Variants in SLC44A1 observed in about 807,000 individuals in gnomAD.
The protein encoded by SLC44A1 is choline transporter-like protein 1.
In SLC44A1, 26 loss-of-function variants were observed where a neutral mutation model predicts 79.3. The ratio of observed to expected loss-of-function variants is 0.33; its 90% CI spans 0.24 to 0.46. SLC44A1 has a LOEUF of 0.46. SLC44A1 is among the 20% of genes least tolerant of loss of function. SLC44A1 has a pLI of 1.00. For missense variants in SLC44A1, 688 were observed against 798.1 expected (o/e 0.86, Z 1.66); for synonymous variants, 263 against 286.2 (o/e 0.92, Z 0.82).
intron 3 of SLC44A1, among the ~76,000 whole-genome samples, chr9:105,328,089 T>C (rs1042249444): frequency 6.6e-6 from 1 of 152,228 alleles, no homozygotes; most frequent in African/African-American, 2.4e-5. Context: ...CAAAATCTTA[T>C]ATAATTACCA....
intron 3 of SLC44A1, among the ~76,000 whole-genome samples, chr9:105,323,024 A>C (rs1453516664): frequency 6.6e-6 from 1 of 150,504 alleles, no homozygotes; most frequent in Non-Finnish European, 1.5e-5. Flanking sequence ...GGAGTTTGAG[A>C]CCAGCCTGGC....
chr9:105,388,888 A>C, intron 15 of SLC44A1, 145 bp from the exon 16 acceptor site: 2 of 667,100 alleles, frequency 3.0e-6, no homozygotes, highest in Non-Finnish European at 5.5e-6. Flanking sequence ...TAAGAATTTC[A>C]GCTCCAGGAA....
At position 105,319,814 on chromosome 9, in the gene SLC44A1, G is replaced by C. The variant is rs550875418; in HGVS notation, c.269+9948G>C. Among the ~76,000 whole-genome samples the C allele has an allele frequency of 1.1e-3, 166 of 152,038 alleles. 1 individual carries two copies. Among genetic ancestry groups the C allele is most frequent in the African/African-American group, 3.6e-3 (149 of 41,478 alleles). On this transcript the variant is annotated intron_variant, in intron 3 of 15. Coordinates refer to ENST00000374720, the MANE Select transcript of SLC44A1 (RefSeq NM_080546.5). ...ACACTGGGGCTCATTAAATTAAATT[G>C]GATTTTGTAAAGTCGATTTTCAGGA... is the stretch of plus-strand genomic sequence containing the variant.
chr9:105,379,709 G>T (rs1417084995), intron 13 of SLC44A1, among the ~76,000 whole-genome samples: 1 of 152,142 alleles, frequency 6.6e-6, no homozygotes, highest in Non-Finnish European at 1.5e-5. Context: ...GTAACATATG[G>T]TCACTGGCCA....
chr9:105,350,680 C>T (rs1032100884), intron 5 of SLC44A1, among the ~76,000 whole-genome samples: 7 of 152,160 alleles, frequency 4.6e-5, no homozygotes, highest in Non-Finnish European at 8.8e-5. Flanking sequence ...CTCTTAACCT[C>T]TCTGTAAACC....
In SLC44A1 at chr9:105,383,270, G is replaced by A; in HGVS notation, c.1780G>A (p.Val594Met). The A allele has an allele frequency of 6.2e-7, 1 of 1,613,874 alleles. No individual in the cohort carries two copies. The highest frequency in any genetic ancestry group is 8.5e-7 in the Non-Finnish European group (1 of 1,179,790). The change falls in exon 14 of 16, where the codon GTG becomes ATG. Residue 594 changes from valine (V) to methionine (M), a missense_variant. Val to Met is a conservative substitution (Grantham distance 21, BLOSUM62 1). Transcript: ENST00000374720. ...HCFLSIYEMV[V>M]DVLFLCFAID... Reference sequence around the variant, plus strand: ...CTTCCTGTCTATTTATGAAATGGTAGTGGATGTATTATTCTTGTGTTTTGC... The same window carrying A: ...CTTCCTGTCTATTTATGAAATGGTAATGGATGTATTATTCTTGTGTTTTGC...
At chr9:105,363,929 A>G (rs1004483835) in intron 9 of SLC44A1, among the ~76,000 whole-genome samples, 3 of 152,208 alleles carry the variant, frequency 2.0e-5, no homozygotes, top group African/African-American at 7.2e-5. Flanking sequence ...AATGTCACTC[A>G]GGAGTTACCT....
chr9:105,245,146 C>CGGCCCCTTCCCCAGTCG (rs1253865478), intron 1 of SLC44A1, among the ~76,000 whole-genome samples: 2 of 152,048 alleles, frequency 1.3e-5, no homozygotes, highest in Non-Finnish European at 2.9e-5. Flanking sequence ...CAGCTCTTCC[C>CGGCCCCTTCCCCAGTCG]GGCCCCTTCC....
intron 8 of SLC44A1, among the ~76,000 whole-genome samples, chr9:105,362,481 G>A (rs1171984217): frequency 2.0e-5 from 3 of 152,004 alleles, no homozygotes; most frequent in African/African-American, 7.3e-5. Context: ...TAAAAACCTC[G>A]TTTTTGTGGT....
intron 1 of SLC44A1, among the ~76,000 whole-genome samples, chr9:105,288,958 G>A (rs979029738): frequency 2.0e-5 from 3 of 152,046 alleles, no homozygotes; most frequent in South Asian, 2.1e-4. Context: ...TCGTTAACCC[G>A]CATTTCCAAA....
intron 14 of SLC44A1, among the ~76,000 whole-genome samples, chr9:105,385,205 A>G (rs1036544411): frequency 2.6e-5 from 4 of 152,200 alleles, no homozygotes; most frequent in Non-Finnish European, 5.9e-5. Context: ...GTCACAATGA[A>G]TGGATGGAAA....
intron 3 of SLC44A1, among the ~76,000 whole-genome samples, chr9:105,326,417 A>G (rs1262011248): frequency 6.6e-6 from 1 of 152,200 alleles, no homozygotes; most frequent in Non-Finnish European, 1.5e-5. Context: ...TATAAGTAAT[A>G]TCATTTGCTA....
intron 12 of SLC44A1, among the ~76,000 whole-genome samples, chr9:105,369,048 A>G (rs1828024931): frequency 6.6e-6 from 1 of 152,206 alleles, no homozygotes; most frequent in African/African-American, 2.4e-5. Flanking sequence ...GAAAAAAGAA[A>G]GAAAGCCTGT....
chr9:105,389,114 T>G lies in SLC44A1; in HGVS notation c.*58T>G. The stretch of plus-strand genomic sequence containing the variant: ...TTCCAAAACAATATATACACATAAC[T>G]ATGTATTTGTGTGTGTGGGTGTGTG... On this transcript the variant is annotated 3_prime_UTR_variant, in exon 16 of 16. Coordinates refer to ENST00000374720, the MANE Select transcript of SLC44A1 (RefSeq NM_080546.5). The G allele has an allele frequency of 6.3e-7, 1 of 1,598,264 alleles. No individual in the cohort carries two copies. Among genetic ancestry groups the G allele is most frequent in the Non-Finnish European group, 8.6e-7 (1 of 1,166,980 alleles).
At position 105,403,371 on chromosome 9, in the gene SLC44A1, G is replaced by A. The variant is rs191022753; in HGVS notation, c.1950+17869G>A. 1.3e-3 allele frequency among the ~76,000 whole-genome samples: 191 copies of A among 152,008 alleles called. 2 individuals carry two copies. Among genetic ancestry groups the A allele is most frequent in the African/African-American group, 4.0e-3 (166 of 41,412 alleles). On this transcript the variant is annotated intron_variant, in intron 15 of 15. Coordinates refer to the SLC44A1 transcript ENST00000374724. ...ACATATGGCTCTTAAATTGGGATTT[G>A]GGGATGCTAAGCTGGGGAAGTCCCA...
intron 13 of SLC44A1, among the ~76,000 whole-genome samples, chr9:105,376,346 CACACT>C (rs1214967525): frequency 1.1e-3 from 142 of 129,890 alleles, no homozygotes; most frequent in African/African-American, 4.2e-3. Flanking sequence ...CACACACACA[CACACT>C]ACACACACAC....
intron 2 of SLC44A1, chr9:105,300,004 C>A: frequency 1.1e-6 from 1 of 916,068 alleles, no homozygotes; most frequent in Non-Finnish European, 1.3e-6. Flanking sequence ...ACACAGACTT[C>A]AGTGGCATTA....
intron 15 of SLC44A1, among the ~76,000 whole-genome samples, chr9:105,413,116 A>G (rs752243146): frequency 5.3e-5 from 8 of 152,206 alleles, no homozygotes; most frequent in Non-Finnish European, 8.8e-5. Context: ...AAAGGGTTCT[A>G]ATGGTTGGAA....
Position 105,244,691 on chromosome 9 carries a change from G to A in SLC44A1, c.-178G>A, listed in dbSNP as rs1460715645. 3.3e-6 allele frequency: 1 copy of A among 298,710 alleles called. No homozygotes were observed. Among genetic ancestry groups the A allele is most frequent in the Non-Finnish European group, 6.1e-6 (1 of 164,254 alleles). The allele number at this position is 298,710 out of a possible 1,614,324, so 18.5% of individuals were successfully genotyped here. On this transcript the variant is annotated 5_prime_UTR_variant, in exon 1 of 16. Transcript: ENST00000374720. ...GTCGCCGCCGCCGGGGGATGTGGCC[G>A]GCGCCTGCCTCTAGCCGCGCCGCCT...
Sources: gnomAD v4.1 joint callset for allele counts (sites outside exome capture counted in the v4.1 genomes callset) on GRCh38, gnomAD v4.1.1 for gene constraint, MANE v1.5 for transcripts, NCBI Gene and HGNC (gene_info 2026-07-23, HGNC 2026-07-21) for gene names.